The following RGS6 variants were observed in gnomAD, a reference collection of about 807,000 sequenced individuals.
The protein encoded by RGS6 is regulator of G protein signaling 6.
In RGS6, 30 loss-of-function variants were observed where a neutral mutation model predicts 78.5. The ratio of observed to expected loss-of-function variants is 0.38; its 90% confidence interval spans 0.29 to 0.52. The LOEUF is 0.52. Among genes scored for constraint, RGS6 ranks in the 20% least tolerant of loss-of-function variants. The pLI, the probability that RGS6 is intolerant of heterozygous loss-of-function variation, is 0.85. For missense variants in RGS6, 495 were observed against 609.7 expected (o/e 0.81, Z 1.98); for synonymous variants, 206 against 206.0 (o/e 1.00, Z 0.00).
chr14:72,302,925 C>T (rs893178022), intron 2 of RGS6, among the ~76,000 whole-genome samples: 6 of 152,146 alleles, frequency 3.9e-5, no homozygotes, highest in Admixed American at 6.5e-5. Flanking sequence ...TCACAAGATC[C>T]GATGGTTTTA....
intron 2 of RGS6, among the ~76,000 whole-genome samples, chr14:72,033,637 GC>G (rs1459590331): frequency 6.6e-5 from 10 of 152,262 alleles, no homozygotes; most frequent in African/African-American, 2.4e-4. Context: ...TATATTGCTA[GC>G]CTGGGAAAAG....
the RGS6 span, among the ~76,000 whole-genome samples, chr14:72,627,987 C>T: frequency 2.0e-3 from 308 of 152,080 alleles, 1 homozygote; most frequent in South Asian, 0.01. Context: ...TAATCTGTTA[C>T]CTTTTATGTT....
chr14:71,909,745 G>C, the RGS6 span, among the ~76,000 whole-genome samples: 3 of 152,108 alleles, frequency 2.0e-5, no homozygotes. Context: ...TCAGGCACTG[G>C]GGAGAGGATA....
At position 72,236,385 on chromosome 14, in the gene RGS6, A is replaced by C. The variant is rs186369168; in HGVS notation, c.85-115710A>C. On this transcript the variant is annotated intron_variant, in intron 2 of 17. Transcript: ENST00000553525. Reference sequence around the variant, plus strand: ...AGCATGCTTATTATTAACTCGAGTTAAATATTTAATATATATTTCAGGTAA... The same window carrying C: ...AGCATGCTTATTATTAACTCGAGTTCAATATTTAATATATATTTCAGGTAA... 3.1e-3 allele frequency among the ~76,000 whole-genome samples: 470 copies of C among 152,310 alleles called. 1 individual carries two copies. Among genetic ancestry groups the C allele is most frequent in the African/African-American group, 0.011 (453 of 41,566 alleles).
the RGS6 span, among the ~76,000 whole-genome samples, chr14:71,888,709 T>A: frequency 6.6e-6 from 1 of 151,994 alleles, no homozygotes; most frequent in African/African-American, 2.4e-5. Context: ...CAGCCTTCTG[T>A]CCTCATTACA....
chr14:72,375,564 G>T (rs2084491453), intron 3 of RGS6, among the ~76,000 whole-genome samples: 1 of 152,102 alleles, frequency 6.6e-6, no homozygotes, highest in South Asian at 2.1e-4. Context: ...GAGAAACCAT[G>T]TGCCCCTAGA....
chr14:72,305,573 T>A (rs2067053403), intron 2 of RGS6, among the ~76,000 whole-genome samples: 1 of 152,236 alleles, frequency 6.6e-6, no homozygotes, highest in Non-Finnish European at 1.5e-5. Flanking sequence ...GTTGTTTATG[T>A]TGCTATTATA....
intron 3 of RGS6, among the ~76,000 whole-genome samples, chr14:72,383,856 TCTG>T (rs2087011876): frequency 6.6e-6 from 1 of 152,180 alleles, no homozygotes; most frequent in African/African-American, 2.4e-5. Context: ...CAAAATTTGA[TCTG>T]CTGTATGTTA....
chr14:72,423,332 A>G (rs1051581708), intron 3 of RGS6, among the ~76,000 whole-genome samples: 4 of 152,158 alleles, frequency 2.6e-5, no homozygotes, highest in Non-Finnish European at 4.4e-5. Flanking sequence ...GCTCACGCTG[A>G]TGGCCCTGGG....
chr14:72,472,947 G>T lies in RGS6; in HGVS notation c.612G>T (p.Arg204Ser). Residue 204 changes from arginine (R) to serine (S), a missense_variant, in exon 9 of 18, where the codon AGG (arginine) becomes AGT (serine). Arg to Ser is a moderately radical substitution (Grantham distance 110). Transcript: ENST00000553525. ...SQERAFWDVH[R>S]PVPGCVNTTE... ...AACGAGCCTTTTGGGATGTCCACAGGCCTGTGGTGAGAAAGCGCTACTCAA... is the reference window on the plus strand; with the variant it reads ...AACGAGCCTTTTGGGATGTCCACAGTCCTGTGGTGAGAAAGCGCTACTCAA... 6.2e-7 allele frequency: 1 copy of T among 1,600,306 alleles called. No individual in the cohort carries two copies. The highest frequency in any genetic ancestry group is 8.5e-7 in the Non-Finnish European group (1 of 1,175,450).
At chr14:72,347,601 A>G (rs1236022385) in intron 2 of RGS6, among the ~76,000 whole-genome samples, 4 of 152,222 alleles carry the variant, frequency 2.6e-5, no homozygotes, top group African/African-American at 9.6e-5. Flanking sequence ...ACCTCCTGTG[A>G]GAATTCAATA....
rs931605774 is a variant in RGS6, at chr14:72,073,775, C to T, written c.84+108900C>T. On this transcript the variant is annotated intron_variant, in intron 2 of 17. Transcript: ENST00000553525. ...TGAAACAATGTTACTGTAGGACCTG[C>T]TGTATAATATATACATATTAATAAA... is the stretch of plus-strand genomic sequence containing the variant. 2.0e-5 allele frequency among the ~76,000 whole-genome samples: 3 copies of T among 152,044 alleles called. No individual in the cohort carries two copies. The East Asian group carries it at 5.8e-4, about 29-fold the overall frequency.
chr14:72,061,036 A>G (rs2093868823), intron 2 of RGS6, among the ~76,000 whole-genome samples: 1 of 152,220 alleles, frequency 6.6e-6, no homozygotes, highest in African/African-American at 2.4e-5. Flanking sequence ...ATATTCTGGC[A>G]GCATTGTAGG....
the RGS6 span, among the ~76,000 whole-genome samples, chr14:71,900,680 A>G: frequency 6.6e-6 from 1 of 152,210 alleles, no homozygotes; most frequent in African/African-American, 2.4e-5. Flanking sequence ...TAACAAGGAT[A>G]GCACACAGAA....
At chr14:72,555,696 C>CAAGT (rs1369861570) in intron 17 of RGS6, among the ~76,000 whole-genome samples, 2 of 152,240 alleles carry the variant, frequency 1.3e-5, no homozygotes, top group Non-Finnish European at 1.5e-5. Context: ...CACTCCCAGG[C>CAAGT]AAGTTACTCA....
intron 1 of RGS6, among the ~76,000 whole-genome samples, chr14:71,963,519 TGCAGCTACTG>T (rs1270112589): frequency 2.6e-5 from 4 of 152,158 alleles, no homozygotes; most frequent in Non-Finnish European, 5.9e-5. Flanking sequence ...CCATCCTCCC[TGCAGCTACTG>T]GCAGCTACCA....
At chr14:72,014,313 G>C in intron 2 of RGS6, among the ~76,000 whole-genome samples, 1 of 152,208 alleles carries the variant, frequency 6.6e-6, no homozygotes, top group South Asian at 2.1e-4. Flanking sequence ...CTTCAAAGTA[G>C]TGACCTTGGG....
At position 72,414,192 on chromosome 14, in the gene RGS6, AC is replaced by A. The variant is rs200928340; in HGVS notation, c.185-40335del. ...CCAACTTGGTTCCATTCTCCCTGTC[AC>A]TTTCAGGTACACCAATCAGACGTAG... On this transcript the variant is annotated intron_variant, in intron 3 of 17. Coordinates refer to ENST00000553525, the MANE Select transcript of RGS6 (RefSeq NM_001204424.2). Among the ~76,000 whole-genome samples the A allele has an allele frequency of 6.4e-3, 976 of 152,258 alleles. 4 individuals carry two copies. Among genetic ancestry groups the A allele is most frequent in the Non-Finnish European group, 0.011 (718 of 68,004 alleles).
the RGS6 span, among the ~76,000 whole-genome samples, chr14:72,596,498 C>A: frequency 6.6e-6 from 1 of 152,134 alleles, no homozygotes. Flanking sequence ...TTTGAGGGGC[C>A]ATGACTACAG....
Sources: gnomAD v4.1 joint callset for allele counts (sites outside exome capture counted in the v4.1 genomes callset) on GRCh38, gnomAD v4.1.1 for gene constraint, MANE v1.5 for transcripts, NCBI Gene and HGNC (gene_info 2026-07-23, HGNC 2026-07-21) for gene names.